Variants in DLGAP2 observed in about 807,000 individuals in gnomAD.
DLGAP2 encodes DLG associated protein 2.
Under a neutral mutation model 100.3 loss-of-function variants are expected in DLGAP2, and 26 were observed. The ratio of observed to expected loss-of-function variants is 0.26; its 90% CI spans 0.19 to 0.36. The LOEUF is 0.36. Among genes scored for constraint, DLGAP2 ranks in the 10% least tolerant of loss-of-function variants. The pLI is 1.00. For synonymous variants in DLGAP2, 886 were observed against 630.1 expected (o/e 1.41, Z -6.08); for missense variants, 1,858 against 1,453.2 (o/e 1.28, Z -4.53).
intron 2 of DLGAP2, among the ~76,000 whole-genome samples, chr8:1,058,744 A>C (rs1006128768): frequency 3.3e-5 from 5 of 152,210 alleles, no homozygotes; most frequent in African/African-American, 7.2e-5. Flanking sequence ...TTATATGGAC[A>C]AGCTACAAAG....
At chr8:752,907 C>T (rs1820827907) in intron 1 of DLGAP2, among the ~76,000 whole-genome samples, 1 of 152,178 alleles carries the variant, frequency 6.6e-6, no homozygotes, top group Non-Finnish European at 1.5e-5. Context: ...GTAGGCGACT[C>T]TCAGCTGTTT....
At chr8:931,356 G>A (rs1416203889) in intron 2 of DLGAP2, among the ~76,000 whole-genome samples, 2 of 152,246 alleles carry the variant, frequency 1.3e-5, no homozygotes, top group Non-Finnish European at 2.9e-5. Flanking sequence ...TTTCACGCGA[G>A]GGTGAGAACA....
intron 4 of DLGAP2, among the ~76,000 whole-genome samples, chr8:1,547,472 G>C (rs558160328): frequency 1.3e-5 from 2 of 152,086 alleles, no homozygotes; most frequent in Non-Finnish European, 2.9e-5. Flanking sequence ...CAAGGAGGAG[G>C]GTCTGGGGCA....
chr8:1,378,613 CCTGT>C (rs1453269693), intron 3 of DLGAP2, among the ~76,000 whole-genome samples: 1 of 151,756 alleles, frequency 6.6e-6, no homozygotes, highest in African/African-American at 2.4e-5. Flanking sequence ...CCTGGCCTCA[CCTGT>C]CTGTCCTGCG....
chr8:1,244,143 C>G (rs894047241), intron 2 of DLGAP2, among the ~76,000 whole-genome samples: 2 of 152,202 alleles, frequency 1.3e-5, no homozygotes, highest in South Asian at 2.1e-4. Context: ...GGTGTGGGCT[C>G]CTGTACATGC....
At chr8:1,459,684 C>CTTTTTTT (rs3052056) in intron 3 of DLGAP2, among the ~76,000 whole-genome samples, 8 of 120,822 alleles carry the variant, frequency 6.6e-5, no homozygotes, top group East Asian at 2.5e-4. Context: ...CTGTTGTTTT[C>CTTTTTTT]TTTTTTTTTT....
chr8:1,313,936 G>T (rs1412429216), intron 3 of DLGAP2, among the ~76,000 whole-genome samples: 2 of 151,864 alleles, frequency 1.3e-5, no homozygotes, highest in Admixed American at 6.6e-5. Context: ...CACACAAAAT[G>T]ATCACACTTC....
intron 2 of DLGAP2, among the ~76,000 whole-genome samples, chr8:926,236 C>T (rs990892525): frequency 6.6e-6 from 1 of 152,202 alleles, no homozygotes; most frequent in Non-Finnish European, 1.5e-5. Flanking sequence ...ATGCTCCTGA[C>T]TGCTGACAGC....
chr8:801,645 A>T (rs1046231954), intron 1 of DLGAP2, among the ~76,000 whole-genome samples: 3 of 151,960 alleles, frequency 2.0e-5, no homozygotes, highest in Non-Finnish European at 4.4e-5. Flanking sequence ...GGGCTTTGAA[A>T]CACCTGCTTC....
intron 3 of DLGAP2, among the ~76,000 whole-genome samples, chr8:1,321,196 C>G (rs770138526): frequency 6.7e-5 from 10 of 150,330 alleles, no homozygotes; most frequent in Non-Finnish European, 3.0e-5. Flanking sequence ...TACGTGTGCA[C>G]GTGCATCCAT....
At chr8:1,057,142 C>A (rs962600849) in intron 2 of DLGAP2, among the ~76,000 whole-genome samples, 1 of 152,170 alleles carries the variant, frequency 6.6e-6, no homozygotes, top group South Asian at 2.1e-4. Flanking sequence ...ACCTGTGAAA[C>A]CTTTCAGTGT....
chr8:1,688,899 A>C (rs1799181250), intron 12 of DLGAP2, among the ~76,000 whole-genome samples: 1 of 152,214 alleles, frequency 6.6e-6, no homozygotes. Context: ...CGTCATTTTC[A>C]ACTGGCTCAT....
intron 5 of DLGAP2, among the ~76,000 whole-genome samples, chr8:1,563,779 C>A (rs1358457921): frequency 1.3e-5 from 2 of 152,146 alleles, no homozygotes; most frequent in African/African-American, 4.8e-5. Context: ...AATACAGGGG[C>A]CTTCAGCCAG....
At chr8:999,598 C>T (rs1800884414) in intron 2 of DLGAP2, among the ~76,000 whole-genome samples, 1 of 151,824 alleles carries the variant, frequency 6.6e-6, no homozygotes, top group South Asian at 2.1e-4. Flanking sequence ...CCTGCCTCAG[C>T]CTCCTGAGTA....
At chr8:1,362,478 G>T (rs978530417) in intron 3 of DLGAP2, among the ~76,000 whole-genome samples, 2 of 152,098 alleles carry the variant, frequency 1.3e-5, no homozygotes, top group African/African-American at 4.8e-5. Flanking sequence ...CTCCGGCGGG[G>T]ACACCCGTCA....
At chr8:1,484,777 G>A (rs752533498) in intron 3 of DLGAP2, among the ~76,000 whole-genome samples, 1 of 152,228 alleles carries the variant, frequency 6.6e-6, no homozygotes, top group Non-Finnish European at 1.5e-5. Context: ...AGAGGTGGTA[G>A]CAGAGCCTTC....
At chr8:1,290,296 A>G (rs1800030009) in intron 3 of DLGAP2, among the ~76,000 whole-genome samples, 1 of 152,180 alleles carries the variant, frequency 6.6e-6, no homozygotes, top group African/African-American at 2.4e-5. Context: ...GGTGCATCCA[A>G]TTCCATCGAG....
chr8:1,172,657 T>G (rs1432021776), intron 2 of DLGAP2, among the ~76,000 whole-genome samples: 1 of 152,188 alleles, frequency 6.6e-6, no homozygotes, highest in Admixed American at 6.5e-5. Flanking sequence ...CTGATACCCT[T>G]TCTTCCAGTT....
intron 2 of DLGAP2, among the ~76,000 whole-genome samples, chr8:1,040,382 G>A (rs1281361377): frequency 8.9e-5 from 13 of 146,004 alleles, no homozygotes; most frequent in East Asian, 2.1e-4. Context: ...CTTGGTTTCC[G>A]TGGTCAGCTC....
Sources: gnomAD v4.1 joint callset for allele counts (sites outside exome capture counted in the v4.1 genomes callset) on GRCh38, gnomAD v4.1.1 for gene constraint, MANE v1.5 for transcripts, NCBI Gene and HGNC (gene_info 2026-07-23, HGNC 2026-07-21) for gene names.